The following ABCA12 variants were observed in gnomAD, a reference collection of about 807,000 sequenced individuals.
ABCA12 encodes ATP binding cassette subfamily A member 12.
ABCA12 carries 156 observed loss-of-function variants against 293.5 expected under a neutral mutation model. The observed-to-expected ratio is 0.53, with a 90% confidence interval of 0.47 to 0.61. The LOEUF (loss-of-function observed/expected upper bound fraction) is 0.61, where lower values mean the gene tolerates loss of function less well. Among genes scored for constraint, ABCA12 ranks in the 20% least tolerant of loss-of-function variants. ABCA12 has a pLI of 0.00. For synonymous variants in ABCA12, 1,063 were observed against 1,108.0 expected (o/e 0.96, Z 0.81); for missense variants, 2,797 against 3,090.2 (o/e 0.91, Z 2.25).
intron 6 of ABCA12, among the ~76,000 whole-genome samples, chr2:215,048,366 C>T (rs988872646): frequency 1.3e-5 from 2 of 152,020 alleles, no homozygotes; most frequent in Non-Finnish European, 2.9e-5. Context: ...CATATGCACA[C>T]ATATGTTAAC....
At chr2:215,060,970 G>A (rs540232519) in intron 3 of ABCA12, among the ~76,000 whole-genome samples, 8 of 151,998 alleles carry the variant, frequency 5.3e-5, no homozygotes, top group Non-Finnish European at 1.2e-4. Flanking sequence ...AGGATCTCAG[G>A]AAAGCTGAAT....
At chr2:215,094,897 T>G (rs1702219769) in intron 2 of ABCA12, among the ~76,000 whole-genome samples, 1 of 152,164 alleles carries the variant, frequency 6.6e-6, no homozygotes, top group South Asian at 2.1e-4. Context: ...ATCTTTTCAC[T>G]TTACAGTTCC....
chr2:214,982,704 G>A (rs192438530), intron 29 of ABCA12, among the ~76,000 whole-genome samples: 2 of 152,142 alleles, frequency 1.3e-5, no homozygotes, highest in African/African-American at 4.8e-5. Context: ...CCTATTTTGT[G>A]CCAGGCTGTG....
chr2:215,066,676 G>A (rs991649836), intron 2 of ABCA12, among the ~76,000 whole-genome samples: 5 of 152,068 alleles, frequency 3.3e-5, no homozygotes, highest in African/African-American at 1.2e-4. Flanking sequence ...GACAGTCTAT[G>A]CTTTGCACAG....
intron 2 of ABCA12, among the ~76,000 whole-genome samples, chr2:215,093,505 C>CTG (rs1702190259): frequency 6.6e-6 from 1 of 152,166 alleles, no homozygotes; most frequent in Non-Finnish European, 1.5e-5. Context: ...AAGTGCAGGG[C>CTG]TGTGCGGTTA....
chr2:215,134,005 A>C (rs981743472), intron 1 of ABCA12, among the ~76,000 whole-genome samples: 2 of 152,086 alleles, frequency 1.3e-5, no homozygotes, highest in Non-Finnish European at 2.9e-5. Flanking sequence ...CTGTAAAATT[A>C]AGTCAGTTAG....
At chr2:215,098,901 G>T (rs1006237250) in intron 2 of ABCA12, among the ~76,000 whole-genome samples, 1 of 152,232 alleles carries the variant, frequency 6.6e-6, no homozygotes, top group Non-Finnish European at 1.5e-5. Flanking sequence ...AGGACACCGC[G>T]ATGATGGGGC....
intron 21 of ABCA12, 138 bp downstream of exon 21, chr2:215,001,420 G>T: frequency 9.9e-7 from 1 of 1,013,606 alleles, no homozygotes; most frequent in Non-Finnish European, 1.5e-6. Context: ...CTACATGAAA[G>T]GTTCTCTTTT....
chr2:214,991,421 T>TA (rs1157414286), intron 23 of ABCA12, among the ~76,000 whole-genome samples: 1 of 152,128 alleles, frequency 6.6e-6, no homozygotes, highest in Non-Finnish European at 1.5e-5. Context: ...TTCAAACTGG[T>TA]AAAAAACCAT....
In ABCA12 at chr2:214,968,700, G is replaced by GA. The variant is rs755621703; in HGVS notation, c.5778+19dup. 6 of 1,608,720 alleles carry GA rather than the reference G, an allele frequency of 3.7e-6. No homozygotes were observed. The highest frequency in any genetic ancestry group is 2.7e-5 in the African/African-American group (2 of 74,870). ...ACCTTCTCATTTGTATAACATTCCA[G>GA]AAAAAAGATCAAAATTTACCTTGGC... On this transcript the variant is annotated intron_variant, in intron 38 of 52. Transcript: ENST00000272895.
chr2:215,030,675 G>C (rs796234847), intron 9 of ABCA12, among the ~76,000 whole-genome samples: 57 of 152,186 alleles, frequency 3.7e-4, no homozygotes, highest in African/African-American at 1.3e-3. Flanking sequence ...CTAAGGGCTT[G>C]GTTGCTCTGG....
intron 50 of ABCA12, among the ~76,000 whole-genome samples, chr2:214,941,913 T>C (rs1265576892): frequency 6.6e-6 from 1 of 152,194 alleles, no homozygotes; most frequent in Non-Finnish European, 1.5e-5. Context: ...TTTATCCAAT[T>C]TGCCAGTCTG....
Position 214,982,344 on chromosome 2 carries a change from C to T in ABCA12, c.4422G>A (p.Lys1474=), listed in dbSNP as rs756591598. 5.0e-6 allele frequency: 8 copies of T among 1,613,916 alleles called. No homozygotes were observed. Among genetic ancestry groups the T allele is most frequent in the South Asian group, 3.3e-5 (3 of 91,074 alleles). The part of the protein sequence containing the change: ...KDTGLYSHRH[K]RVGTLSGGMK... ...TGCCTCCTGACAGTGTTCCAACTCT[C>T]TTATGACGATGGCTATATAGTCCAG... Residue 1474 remains lysine, a synonymous_variant, in exon 30 of 53, where the codon AAG becomes AAA. Transcript: ENST00000272895.
chr2:215,035,944 TA>T (rs1238093715), intron 8 of ABCA12: 1 of 152,188 alleles, frequency 6.6e-6, no homozygotes, highest in Non-Finnish European at 1.5e-5. Context: ...GGAGAACCAT[TA>T]AGTTCTTAAG....
At chr2:215,126,970 C>A (rs1201090930) in intron 1 of ABCA12, among the ~76,000 whole-genome samples, 1 of 151,956 alleles carries the variant, frequency 6.6e-6, no homozygotes, top group African/African-American at 2.4e-5. Flanking sequence ...TGCTGTATCC[C>A]AGAGGTTTCC....
intron 2 of ABCA12, among the ~76,000 whole-genome samples, chr2:215,111,235 C>T (rs915051508): frequency 5.3e-5 from 8 of 152,182 alleles, no homozygotes; most frequent in African/African-American, 1.9e-4. Flanking sequence ...TGATCAAATA[C>T]AAGACTATGG....
intron 23 of ABCA12, among the ~76,000 whole-genome samples, chr2:214,994,670 G>A (rs951422631): frequency 6.6e-6 from 1 of 151,920 alleles, no homozygotes; most frequent in African/African-American, 2.4e-5. Flanking sequence ...TTTTTAGTAT[G>A]ATATAAAGGA....
chr2:214,979,629 C>T (rs2105963043), intron 31 of ABCA12, among the ~76,000 whole-genome samples: 1 of 151,918 alleles, frequency 6.6e-6, no homozygotes, highest in African/African-American at 2.4e-5. Context: ...ATCTGAATTC[C>T]TCACACTCCA....
At chr2:215,047,682 A>G (rs1314108724) in intron 6 of ABCA12, among the ~76,000 whole-genome samples, 1 of 152,254 alleles carries the variant, frequency 6.6e-6, no homozygotes, top group Non-Finnish European at 1.5e-5. Flanking sequence ...AAGTTTGATT[A>G]AAGACTTAAA....
Sources: allele counts gnomAD v4.1 joint callset (sites outside exome capture counted in the v4.1 genomes callset), GRCh38; gene constraint gnomAD v4.1.1; transcripts MANE v1.5; gene names NCBI Gene and HGNC (gene_info 2026-07-23, HGNC 2026-07-21).